The following TRAPPC10 variants were observed in gnomAD, a reference collection of about 807,000 sequenced individuals.
TRAPPC10 encodes the protein TRAPP 130 kDa subunit.
A neutral mutation model predicts 125.5 loss-of-function variants in TRAPPC10; 23 were observed. The observed-to-expected ratio is 0.18, with a 90% CI of 0.13 to 0.26. The LOEUF (loss-of-function observed/expected upper bound fraction) is 0.26, where lower values mean the gene tolerates loss of function less well. TRAPPC10 is among the 10% of genes least tolerant of loss of function. TRAPPC10 has a pLI of 1.00. For missense variants in TRAPPC10, 1,123 were observed against 1,308.4 expected, an observed-to-expected ratio of 0.86 and a Z score of 2.19; for synonymous variants, 509 against 518.0, an observed-to-expected ratio of 0.98 and a Z score of 0.24.
intron 17 of TRAPPC10, chr21:44,089,571 C>T (rs1245890278): frequency 1.7e-5 from 9 of 523,082 alleles, no homozygotes; most frequent in Middle Eastern, 5.8e-4. Context: ...TGTGCTCTTC[C>T]GCCGTTGAGG....
At chr21:44,031,221 A>AT (rs1373026390) in intron 1 of TRAPPC10, among the ~76,000 whole-genome samples, 1 of 152,210 alleles carries the variant, frequency 6.6e-6, no homozygotes, top group Admixed American at 6.5e-5. Flanking sequence ...GCACACATCA[A>AT]TTCCCAATGA....
chr21:44,022,475 T>TTTTTTTC (rs2032626708), intron 1 of TRAPPC10, among the ~76,000 whole-genome samples: 1 of 143,462 alleles, frequency 7.0e-6, no homozygotes, highest in African/African-American at 2.6e-5. Context: ...TTTTTTTTTT[T>TTTTTTTC]ACAAAGACGG....
intron 1 of TRAPPC10, among the ~76,000 whole-genome samples, chr21:44,017,908 A>G (rs543356976): frequency 2.6e-5 from 4 of 152,192 alleles, no homozygotes; most frequent in African/African-American, 9.6e-5. Flanking sequence ...TTCCCTCATA[A>G]ATTTAAAATA....
intron 3 of TRAPPC10, among the ~76,000 whole-genome samples, chr21:44,042,631 A>G (rs2034500586): frequency 6.6e-6 from 1 of 152,180 alleles, no homozygotes; most frequent in African/African-American, 2.4e-5. Flanking sequence ...TTAAATATCC[A>G]CAAGACCTAT....
At chr21:44,012,815 G>C (rs1194722511) in intron 1 of TRAPPC10, among the ~76,000 whole-genome samples, 1 of 151,928 alleles carries the variant, frequency 6.6e-6, no homozygotes, top group Non-Finnish European at 1.5e-5. Flanking sequence ...GTGGAACCCG[G>C]CGGACTCTGC....
intron 1 of TRAPPC10, among the ~76,000 whole-genome samples, chr21:44,015,359 T>A (rs937455619): frequency 2.6e-5 from 4 of 152,174 alleles, no homozygotes; most frequent in African/African-American, 9.7e-5. Context: ...TCCCAAAGAT[T>A]AAGGGTAATT....
chr21:44,073,370 A>C (rs139924447), intron 7 of TRAPPC10, among the ~76,000 whole-genome samples: 1 of 152,314 alleles, frequency 6.6e-6, no homozygotes, highest in East Asian at 1.9e-4. Context: ...AGGACACATC[A>C]TGAAGTCAGT....
chr21:44,030,184 A>G (rs2033445158), intron 1 of TRAPPC10, among the ~76,000 whole-genome samples: 1 of 152,166 alleles, frequency 6.6e-6, no homozygotes, highest in South Asian at 2.1e-4. Flanking sequence ...TACGGATGTT[A>G]TTTGTATACG....
intron 3 of TRAPPC10, among the ~76,000 whole-genome samples, chr21:44,050,941 G>C (rs2035191656): frequency 6.6e-6 from 1 of 152,120 alleles, no homozygotes. Flanking sequence ...GTCTCGCTCT[G>C]TCGCCCAGGC....
chr21:44,032,911 G>T (rs1299574117), intron 2 of TRAPPC10, among the ~76,000 whole-genome samples: 1 of 152,180 alleles, frequency 6.6e-6, no homozygotes, highest in Non-Finnish European at 1.5e-5. Flanking sequence ...CCTGGCTCCT[G>T]TGCGTTTTCC....
intron 1 of TRAPPC10, among the ~76,000 whole-genome samples, chr21:44,015,509 C>A (rs2031726400): frequency 6.6e-6 from 1 of 152,084 alleles, no homozygotes; most frequent in Non-Finnish European, 1.5e-5. Flanking sequence ...CCTTGCTGGG[C>A]TCAAGTGACC....
chr21:44,094,277 A>C, intron 20 of TRAPPC10, 44 bp downstream of exon 20: 2 of 1,538,144 alleles, frequency 1.3e-6, no homozygotes, highest in Non-Finnish European at 1.8e-6. Context: ...GAAAAAATGA[A>C]AGATGGCATT....
chr21:44,066,389 A>T (rs2299817), intron 7 of TRAPPC10, among the ~76,000 whole-genome samples: 21,446 of 152,138 alleles, frequency 0.14, 1,722 homozygotes, highest in South Asian at 0.25. Context: ...CACTCCCTTA[A>T]TGGAAAATGT....
chr21:44,088,937 C>T (rs1487452823), intron 17 of TRAPPC10: 1 of 161,590 alleles, frequency 6.2e-6, no homozygotes, highest in East Asian at 2.0e-4. Context: ...TCCCACTCTT[C>T]TCTGGCGCTG....
intron 1 of TRAPPC10, among the ~76,000 whole-genome samples, chr21:44,020,521 A>G (rs2032397210): frequency 6.6e-6 from 1 of 151,978 alleles, no homozygotes; most frequent in Non-Finnish European, 1.5e-5. Context: ...TTCTAGTCCT[A>G]GCTACTTGGG....
chr21:44,087,067 A>G lies in TRAPPC10; in HGVS notation c.2539+107A>G, dbSNP rs1208041913. On this transcript the variant is annotated intron_variant, in intron 16 of 22. Transcript: ENST00000291574. The surrounding 1 kb of genome is among the most constrained non-coding windows in gnomAD (Gnocchi z 4.6). ...CTGCCATCCTGCTGAGCGCCCCTCA[A>G]CAGTGTCTGGAGTCCGTGTTCCATA... is the stretch of plus-strand genomic sequence containing the variant. The G allele has an allele frequency of 6.1e-6, 8 of 1,320,908 alleles. No homozygotes were observed. The highest frequency in any genetic ancestry group is 2.9e-5 in the African/African-American group (2 of 68,474). 81.8% of individuals were successfully genotyped at this position (1,320,908 alleles called of 1,614,324 possible).
At chr21:44,025,075 T>C (rs1332854330) in intron 1 of TRAPPC10, among the ~76,000 whole-genome samples, 1 of 152,240 alleles carries the variant, frequency 6.6e-6, no homozygotes, top group African/African-American at 2.4e-5. Flanking sequence ...TTGAGTTGTT[T>C]TGTGTTTTAC....
chr21:44,063,677 G>A lies in TRAPPC10; in HGVS notation c.930G>A (p.Leu310=). ...CCCTGTTAGATCTGCGCAGTTACCT[G>A]TTCTCTCGCCAGTGCACCTTGCTGC... ...EATLLDLRSY[L]FSRQCTLLLF... is the part of the protein sequence containing the mutation. The change falls in exon 7 of 23, where the codon CTG becomes CTA. Residue 310 remains leucine, a synonymous_variant. Coordinates refer to ENST00000291574, the MANE Select transcript of TRAPPC10 (RefSeq NM_003274.5). This position sits in a 1 kb window ranked among gnomAD's most constrained non-coding sequence, Gnocchi z 4.4. The A allele has an allele frequency of 6.2e-7, 1 of 1,614,222 alleles. No individual in the cohort carries two copies. Among genetic ancestry groups the A allele is most frequent in the Non-Finnish European group, 8.5e-7 (1 of 1,180,046 alleles).
chr21:44,019,982 C>T (rs1288447347), intron 1 of TRAPPC10, among the ~76,000 whole-genome samples: 1 of 152,054 alleles, frequency 6.6e-6, no homozygotes. Context: ...CTTCTGTGCT[C>T]TCTCCCTTAT....
Sources: gnomAD v4.1 joint callset for allele counts (sites outside exome capture counted in the v4.1 genomes callset) on GRCh38, gnomAD v4.1.1 for gene constraint, Gnocchi (gnomAD v3.1) non-coding constraint, MANE v1.5 for transcripts, NCBI Gene and HGNC (gene_info 2026-07-23, HGNC 2026-07-21) for gene names.